SNX8: variants seen among roughly 807,000 people sequenced by gnomAD.
SNX8 encodes the protein sorting nexin-8.
A neutral mutation model predicts 51.6 loss-of-function variants in SNX8; 25 were observed. The observed-to-expected ratio is 0.48, with a 90% CI of 0.35 to 0.68. The LOEUF is 0.68. Among genes scored for constraint, SNX8 ranks in the 30% least tolerant of loss-of-function variants. SNX8 has a pLI of 0.00. For missense variants in SNX8, 695 were observed against 624.0 expected (o/e 1.11, Z -1.21); for synonymous variants, 324 against 277.0 (o/e 1.17, Z -1.68).
chr7:2,261,968 T>C (rs1795347625), intron 7 of SNX8, among the ~76,000 whole-genome samples: 1 of 152,200 alleles, frequency 6.6e-6, no homozygotes, highest in South Asian at 2.1e-4. Flanking sequence ...CAAACTAATA[T>C]GAGTAGCCTG....
chr7:2,269,725 G>T, intron 4 of SNX8, 86 bp from the exon 5 acceptor site: 1 of 796,112 alleles, frequency 1.3e-6, no homozygotes, highest in African/African-American at 1.8e-5. Context: ...GGAGCGGGAG[G>T]TCGTCTTTCC....
At chr7:2,336,933 C>G (rs1778840631) in intron 1 of SNX8, among the ~76,000 whole-genome samples, 1 of 151,656 alleles carries the variant, frequency 6.6e-6, no homozygotes, top group African/African-American at 2.4e-5. Flanking sequence ...CGCTTGAACC[C>G]AGCAGGCGGA....
intron 1 of SNX8, among the ~76,000 whole-genome samples, chr7:2,305,523 C>T (rs1164472448): frequency 6.6e-6 from 1 of 152,054 alleles, no homozygotes; most frequent in Non-Finnish European, 1.5e-5. Context: ...GCCACCACAC[C>T]TGGCTAATGT....
intron 1 of SNX8, among the ~76,000 whole-genome samples, chr7:2,327,750 G>C (rs1034741876): frequency 2.0e-5 from 3 of 151,776 alleles, no homozygotes; most frequent in South Asian, 2.1e-4. Flanking sequence ...CACCGTGTTA[G>C]CCAGGATGGT....
intron 1 of SNX8, among the ~76,000 whole-genome samples, chr7:2,334,637 T>G (rs1236926545): frequency 2.0e-5 from 3 of 151,066 alleles, no homozygotes; most frequent in Non-Finnish European, 4.4e-5. Context: ...GAGGCAGAGG[T>G]TGCAGTAAGC....
At chr7:2,331,598 A>G (rs1778737435) in intron 1 of SNX8, among the ~76,000 whole-genome samples, 2 of 151,474 alleles carry the variant, frequency 1.3e-5, no homozygotes, top group Admixed American at 6.6e-5. Flanking sequence ...CCAGCTACTC[A>G]GGAGGCTGAG....
intron 1 of SNX8, among the ~76,000 whole-genome samples, chr7:2,284,919 T>C (rs1351836834): frequency 6.6e-6 from 1 of 152,030 alleles, no homozygotes; most frequent in Non-Finnish European, 1.5e-5. Flanking sequence ...GTAAATTAAT[T>C]AAAACTTCTT....
rs116930803 is a variant in SNX8, at chr7:2,345,661, G to C, written c.-66+8561C>G. Among the ~76,000 whole-genome samples the C allele has an allele frequency of 7.4e-3, 1,095 of 146,986 alleles. 6 individuals carry two copies. The highest frequency in any genetic ancestry group is 0.02 in the South Asian group (87 of 4,410). ...CCACTACACACTCTAGCCTGGGCGA[G>C]ACAGAGTGAGAATCCGTCCAAAAAA... is the stretch of plus-strand genomic sequence containing the variant. On this transcript the variant is annotated intron_variant, in intron 1 of 5. Transcript: ENST00000435336.
intron 1 of SNX8, among the ~76,000 whole-genome samples, chr7:2,324,803 T>G (rs1778595749): frequency 6.6e-6 from 1 of 151,916 alleles, no homozygotes; most frequent in South Asian, 2.1e-4. Context: ...TTCTCAACAC[T>G]CTTCCTTTTT....
intron 1 of SNX8, among the ~76,000 whole-genome samples, chr7:2,326,671 AAAAT>A (rs1457189816): frequency 6.6e-6 from 1 of 152,102 alleles, no homozygotes; most frequent in African/African-American, 2.4e-5. Context: ...ATCTCAAAAA[AAAAT>A]AATAATAATT....
At chr7:2,353,332 G>A (rs965731137) in intron 1 of SNX8, among the ~76,000 whole-genome samples, 6 of 152,126 alleles carry the variant, frequency 3.9e-5, no homozygotes, top group African/African-American at 1.2e-4. Flanking sequence ...TTGCAGCGGC[G>A]CTGTGATTAT....
At chr7:2,348,010 A>G (rs994458349) in intron 1 of SNX8, among the ~76,000 whole-genome samples, 10 of 152,094 alleles carry the variant, frequency 6.6e-5, no homozygotes, top group African/African-American at 2.4e-4. Context: ...TTGGACATAG[A>G]CCGGTTTATG....
Position 2,254,573 on chromosome 7 carries a change from G to A in SNX8, c.*483C>T, listed in dbSNP as rs1795127934. On this transcript the variant is annotated 3_prime_UTR_variant, in exon 11 of 11. Transcript: ENST00000222990. ...CACCGTGCGTGCCCCACGCCCAATGGCCCTCCCTCCCAGCCTCAGCACCAC... is the reference window on the plus strand; with the variant it reads ...CACCGTGCGTGCCCCACGCCCAATGACCCTCCCTCCCAGCCTCAGCACCAC... 5.6e-6 allele frequency: 1 copy of A among 177,516 alleles called. No individual in the cohort carries two copies. Among genetic ancestry groups the A allele is most frequent in the South Asian group, 1.1e-4 (1 of 8,758 alleles). The allele number at this position is 177,516 out of a possible 1,614,324, so 11.0% of individuals were successfully genotyped here.
chr7:2,263,484 C>A (rs751601505), intron 6 of SNX8, 122 bp from the exon 7 acceptor site: 32 of 980,504 alleles, frequency 3.3e-5, no homozygotes, highest in Non-Finnish European at 4.7e-5. Context: ...GTCCTAGGAC[C>A]CTGCTGCTCA....
intron 1 of SNX8, among the ~76,000 whole-genome samples, chr7:2,285,868 C>CGGG (rs150022123): frequency 3.6e-4 from 54 of 151,578 alleles, no homozygotes; most frequent in African/African-American, 1.3e-3. Flanking sequence ...TGTAGATATG[C>CGGG]GGGGGGGTCT....
At chr7:2,257,856 T>C in intron 7 of SNX8, 53 bp from the exon 8 acceptor site, 1 of 1,551,354 alleles carries the variant, frequency 6.4e-7, no homozygotes, top group Non-Finnish European at 8.9e-7. Flanking sequence ...ACCCGGTCCC[T>C]GCCCGGGAAC....
chr7:2,334,309 A>G (rs1379946791), intron 1 of SNX8, among the ~76,000 whole-genome samples: 3 of 152,032 alleles, frequency 2.0e-5, no homozygotes, highest in Non-Finnish European at 2.9e-5. Flanking sequence ...AGGCTGAGGC[A>G]GGAGAATCAC....
At chr7:2,329,018 A>G (rs1460002506) in intron 1 of SNX8, among the ~76,000 whole-genome samples, 1 of 151,524 alleles carries the variant, frequency 6.6e-6, no homozygotes, top group African/African-American at 2.4e-5. Context: ...CCCGGGAGGC[A>G]GAGCTTGCAG....
At chr7:2,317,125 C>T (rs1001865105), upstream of SNX8, among the ~76,000 whole-genome samples, 3 of 151,774 alleles carry the variant, frequency 2.0e-5, no homozygotes, top group Non-Finnish European at 4.4e-5. Flanking sequence ...GAGGAGGGCA[C>T]GAAGGCTCTG....
Sources: gnomAD v4.1 joint callset for allele counts (sites outside exome capture counted in the v4.1 genomes callset) on GRCh38, gnomAD v4.1.1 for gene constraint, MANE v1.5 for transcripts, NCBI Gene and HGNC (gene_info 2026-07-23, HGNC 2026-07-21) for gene names.